The following DGKB variants were observed in gnomAD, a reference collection of about 807,000 sequenced individuals.
The protein encoded by DGKB is 90 kDa diacylglycerol kinase.
In DGKB, 67 loss-of-function variants were observed where a neutral mutation model predicts 114.3. The observed-to-expected ratio is 0.59, with a 90% CI of 0.48 to 0.72. The LOEUF is 0.72. Ranked by LOEUF, DGKB falls within the 30% of genes least tolerant of loss-of-function variation. The pLI, the probability that DGKB is intolerant of heterozygous loss-of-function variation, is 0.00. For synonymous variants in DGKB, 398 were observed against 323.1 expected, an observed-to-expected ratio of 1.23 and a Z score of -2.49; for missense variants, 907 against 975.2, an observed-to-expected ratio of 0.93 and a Z score of 0.93.
At chr7:14,304,087 A>ACACACT (rs140836395) in intron 23 of DGKB, among the ~76,000 whole-genome samples, 14 of 110,116 alleles carry the variant, frequency 1.3e-4, no homozygotes, top group African/African-American at 2.2e-4. Flanking sequence ...ACACACACAC[A>ACACACT]CTCTCTCTCT....
At position 14,188,654 on chromosome 7, in the gene DGKB, C is replaced by T. The variant is rs1329362829; in HGVS notation, c.2123-10503G>A. 1.4e-4 allele frequency among the ~76,000 whole-genome samples: 12 copies of T among 84,480 alleles called. 1 individual carries two copies. The highest frequency in any genetic ancestry group is 1.2e-3 in the East Asian group (4 of 3,474). The allele number at this position is 84,480 out of a possible 152,430, so 55.4% of individuals were successfully genotyped here. A position where few individuals can be genotyped will look rare whatever the true frequency, so the allele number is the denominator to read the frequency against. On this transcript the variant is annotated intron_variant, in intron 23 of 25. Coordinates refer to ENST00000402815, the MANE Select transcript of DGKB (RefSeq NM_001350709.2). The stretch of plus-strand genomic sequence containing the variant: ...CAGCCTGGGCGACAAAGCGAGACTC[C>T]GTCTCAAAAAAAAAAAAAAAAAAAA...
At chr7:14,250,221 A>T (rs925495903) in intron 23 of DGKB, among the ~76,000 whole-genome samples, 8 of 151,116 alleles carry the variant, frequency 5.3e-5, no homozygotes, top group African/African-American at 2.4e-5. Flanking sequence ...TGCCTGCCTT[A>T]GCCTCCCAAA....
At chr7:14,517,619 A>T (rs939977247) in intron 20 of DGKB, among the ~76,000 whole-genome samples, 1 of 152,156 alleles carries the variant, frequency 6.6e-6, no homozygotes, top group East Asian at 1.9e-4. Flanking sequence ...TTACAAGGAA[A>T]AAACAAAACA....
At chr7:14,271,000 A>C (rs956845577) in intron 23 of DGKB, among the ~76,000 whole-genome samples, 6 of 152,358 alleles carry the variant, frequency 3.9e-5, no homozygotes, top group African/African-American at 1.4e-4. Flanking sequence ...CAGAACTACT[A>C]ACGTGTTAAC....
chr7:14,710,121 CT>C (rs1827104520), intron 6 of DGKB, among the ~76,000 whole-genome samples: 2 of 152,036 alleles, frequency 1.3e-5, no homozygotes, highest in Admixed American at 1.3e-4. Context: ...GGGGGAGAAT[CT>C]TTAAAATGCT....
intron 21 of DGKB, among the ~76,000 whole-genome samples, chr7:14,377,006 T>C (rs1020151461): frequency 6.6e-6 from 1 of 152,210 alleles, no homozygotes; most frequent in Non-Finnish European, 1.5e-5. Flanking sequence ...GCTAATTTCT[T>C]GGAAATGTGA....
At chr7:14,580,785 C>CCTTTTTTTTTTTTT in intron 19 of DGKB, 77 bp downstream of exon 19, 1 of 1,003,540 alleles carries the variant, frequency 1.0e-6, no homozygotes, top group East Asian at 2.5e-5. Flanking sequence ...GTTTTTGTTT[C>CCTTTTTTTTTTTTT]TTTTCTTTTC....
chr7:14,736,106 G>T lies in DGKB; in HGVS notation c.257C>A (p.Ser86Ter), dbSNP rs1831671147. The T allele has an allele frequency of 1.2e-6, 2 of 1,609,672 alleles. No individual in the cohort carries two copies. ...AGAATGAGGAAACTTGTTGCTAAAT[G>T]ACATGAAAAGGTGTGCAGTGAAATC... is the stretch of plus-strand genomic sequence containing the variant. ...PDDFTAHLFM[S>*]FSNKFPHSSP... Residue 86 changes from serine to a stop codon, truncating the protein, a stop_gained, in exon 5 of 26, where the codon TCA becomes TAA. Coordinates refer to ENST00000402815, the MANE Select transcript of DGKB (RefSeq NM_001350709.2). LOFTEE classifies it high-confidence loss of function.
chr7:14,957,957 T>C, intron 1 of DGKB, among the ~76,000 whole-genome samples: 1 of 152,090 alleles, frequency 6.6e-6, no homozygotes. Flanking sequence ...TGTTTTTTAA[T>C]AGAAATACAA....
rs371130484 is a variant in DGKB, at chr7:14,170,855, CT to C, written c.2304+5983del. On this transcript the variant is annotated intron_variant, in intron 25 of 25. Coordinates refer to ENST00000402815, the MANE Select transcript of DGKB (RefSeq NM_001350709.2). ...TAGAGCAACAGAGAAAAGACCAAGT[CT>C]TCCTAGTAGAGGACACAAACAAAGG... Among the ~76,000 whole-genome samples, 605 of 152,306 alleles carry C rather than the reference CT, an allele frequency of 4.0e-3. 5 individuals are homozygous for C. The highest frequency in any genetic ancestry group is 0.014 in the African/African-American group (577 of 41,558).
intron 23 of DGKB, among the ~76,000 whole-genome samples, chr7:14,318,957 A>G (rs1449913281): frequency 6.6e-6 from 1 of 152,214 alleles, no homozygotes; most frequent in Non-Finnish European, 1.5e-5. Flanking sequence ...CTATGCAGCC[A>G]TAAAAAATGA....
rs535822096 is a variant in DGKB at position 14,891,211 on chromosome 7, C to T, written c.-188+11381G>A. Among the ~76,000 whole-genome samples, 3 of 151,442 alleles carry T rather than the reference C, an allele frequency of 2.0e-5. No individual in the cohort carries two copies. In the South Asian group the frequency reaches 6.2e-4, roughly 31 times the overall value. The stretch of plus-strand genomic sequence containing the variant: ...CTAATAGTACCAAACTCTATATATA[C>T]TACAATATAGTGCATTTCAGAGAAT... On this transcript the variant is annotated intron_variant, in intron 1 of 25. Coordinates refer to ENST00000402815, the MANE Select transcript of DGKB (RefSeq NM_001350709.2).
intron 1 of DGKB, among the ~76,000 whole-genome samples, chr7:14,920,219 T>C (rs1483667237): frequency 6.6e-6 from 1 of 152,142 alleles, no homozygotes; most frequent in African/African-American, 2.4e-5. Flanking sequence ...TAAAAAGATA[T>C]GCTACAGCCT....
chr7:14,736,580 A>T (rs995224805), intron 4 of DGKB, among the ~76,000 whole-genome samples: 1 of 152,224 alleles, frequency 6.6e-6, no homozygotes, highest in Admixed American at 6.5e-5. Flanking sequence ...AAGCCAATAC[A>T]GAGTCATATA....
chr7:14,799,845 G>C (rs1486552692), intron 2 of DGKB, among the ~76,000 whole-genome samples: 1 of 152,110 alleles, frequency 6.6e-6, no homozygotes, highest in Non-Finnish European at 1.5e-5. Flanking sequence ...GCCTTTGGTA[G>C]AATTCTATTG....
At chr7:14,893,786 A>G (rs1488866485) in intron 1 of DGKB, among the ~76,000 whole-genome samples, 1 of 151,298 alleles carries the variant, frequency 6.6e-6, no homozygotes, top group Non-Finnish European at 1.5e-5. Flanking sequence ...CAAATTCTAA[A>G]TTATCTGTGA....
intron 23 of DGKB, among the ~76,000 whole-genome samples, chr7:14,306,749 G>A (rs937193011): frequency 1.9e-4 from 29 of 152,128 alleles, no homozygotes; most frequent in African/African-American, 5.5e-4. Flanking sequence ...CCAACTTTAT[G>A]AGCCCTCATG....
At chr7:14,257,497 G>A (rs867486910) in intron 23 of DGKB, among the ~76,000 whole-genome samples, 11 of 152,070 alleles carry the variant, frequency 7.2e-5, no homozygotes, top group African/African-American at 2.4e-4. Context: ...TAATCCCCAT[G>A]TATCCTGGGA....
chr7:14,742,386 T>C (rs186353944), intron 4 of DGKB, among the ~76,000 whole-genome samples: 1 of 152,194 alleles, frequency 6.6e-6, no homozygotes, highest in Non-Finnish European at 1.5e-5. Flanking sequence ...AAGCATTAGA[T>C]CAAATATTTT....
Sources: allele counts gnomAD v4.1 joint callset (sites outside exome capture counted in the v4.1 genomes callset), GRCh38; gene constraint gnomAD v4.1.1; transcripts MANE v1.5; gene names NCBI Gene and HGNC (gene_info 2026-07-23, HGNC 2026-07-21).